Variants in AK7 observed in about 807,000 individuals in gnomAD.
The protein encoded by AK7 is ATP-AMP transphosphorylase 7.
A neutral mutation model predicts 96.6 loss-of-function variants in AK7; 78 were observed. The observed-to-expected ratio is 0.81, with a 90% CI of 0.67 to 0.97. The LOEUF is 0.97. Ranked by LOEUF, AK7 falls within the 50% of genes least tolerant of loss-of-function variation. AK7 has a pLI of 0.00. For synonymous variants in AK7, 302 were observed against 317.2 expected (o/e 0.95, Z 0.51); for missense variants, 855 against 887.9 (o/e 0.96, Z 0.47).
chr14:96,421,291 C>G (rs1375161645), intron 5 of AK7: 2 of 161,672 alleles, frequency 1.2e-5, no homozygotes, highest in Non-Finnish European at 2.7e-5. Context: ...TATTAACCTC[C>G]TCTTATGAAT....
intron 4 of AK7, among the ~76,000 whole-genome samples, chr14:96,413,026 A>G (rs916929043): frequency 2.0e-5 from 3 of 152,204 alleles, no homozygotes; most frequent in Non-Finnish European, 4.4e-5. Context: ...GAGCACCCCC[A>G]GTACACAAAT....
chr14:96,486,440 C>G (rs1009579560), intron 16 of AK7, among the ~76,000 whole-genome samples: 2 of 152,080 alleles, frequency 1.3e-5, no homozygotes, highest in Non-Finnish European at 2.9e-5. Flanking sequence ...TGTGCTGATC[C>G]TTAATTAGAA....
At chr14:96,434,425 TCTCTCTC>T (rs1393397176) in intron 5 of AK7, among the ~76,000 whole-genome samples, 1 of 10,046 alleles carries the variant, frequency 1.0e-4, no homozygotes, top group Non-Finnish European at 1.8e-4. Flanking sequence ...TCTGTCTGTC[TCTCTCTC>T]TCTCTCTCTC....
intron 7 of AK7, among the ~76,000 whole-genome samples, chr14:96,445,694 GA>G (rs906540461): frequency 5.9e-5 from 9 of 151,752 alleles, no homozygotes; most frequent in African/African-American, 1.2e-4. Context: ...AATAAATATA[GA>G]AAAAAAGAAA....
chr14:96,411,707 TACA>T (rs1269542699), intron 4 of AK7, among the ~76,000 whole-genome samples: 1 of 152,088 alleles, frequency 6.6e-6, no homozygotes, highest in Non-Finnish European at 1.5e-5. Flanking sequence ...GGGGTATAGA[TACA>T]ACAAGACCGA....
At chr14:96,418,306 A>C (rs1206401148) in intron 4 of AK7, among the ~76,000 whole-genome samples, 2 of 129,978 alleles carry the variant, frequency 1.5e-5, no homozygotes, top group African/African-American at 5.9e-5. Flanking sequence ...CCTGGGCAAC[A>C]GAGTGAGACC....
chr14:96,437,806 G>A, intron 5 of AK7, 29 bp from the exon 6 acceptor site: 4 of 1,534,394 alleles, frequency 2.6e-6, no homozygotes, highest in South Asian at 1.2e-5. Context: ...ATTACATCCA[G>A]CTTTTTTTTT....
At chr14:96,429,520 G>A (rs1157931877) in intron 5 of AK7, among the ~76,000 whole-genome samples, 1 of 152,160 alleles carries the variant, frequency 6.6e-6, no homozygotes, top group Non-Finnish European at 1.5e-5. Flanking sequence ...TAGATTGATG[G>A]GGATGGCATT....
At chr14:96,456,226 G>A (rs1332922253) in intron 10 of AK7, 121 bp from the exon 11 acceptor site, 4 of 1,080,606 alleles carry the variant, frequency 3.7e-6, no homozygotes, top group Admixed American at 3.2e-5. Context: ...AACAGAGTGA[G>A]AGACTCTGTC....
intron 14 of AK7, among the ~76,000 whole-genome samples, chr14:96,477,140 C>A (rs968553567): frequency 6.6e-6 from 1 of 152,166 alleles, no homozygotes. Context: ...AACTTACTTG[C>A]GAAAACACCT....
At chr14:96,442,241 G>A (rs747522662) in intron 6 of AK7, among the ~76,000 whole-genome samples, 5 of 152,118 alleles carry the variant, frequency 3.3e-5, no homozygotes, top group South Asian at 2.1e-4. Context: ...CTACTTATCC[G>A]CTAAGCATTT....
rs548236443 is a variant in AK7, at chr14:96,484,334, C to T, written c.1974+1115C>T. 6.1e-4 allele frequency among the ~76,000 whole-genome samples: 93 copies of T among 152,276 alleles called. No homozygotes were observed. The South Asian group carries it at 0.014, about 22-fold the overall frequency. On this transcript the variant is annotated intron_variant, in intron 16 of 17. Transcript: ENST00000267584. ...GGGGCAGTGTTTCTCATCCGAATTA[C>T]GCAGTGTCTTCTCACTGTCCTCCCC...
intron 5 of AK7, among the ~76,000 whole-genome samples, chr14:96,422,087 C>T (rs1891738306): frequency 6.6e-6 from 1 of 152,142 alleles, no homozygotes. Context: ...GATATACCAG[C>T]ATTTATTATT....
intron 4 of AK7, among the ~76,000 whole-genome samples, chr14:96,418,635 C>T (rs1313997573): frequency 1.3e-5 from 2 of 152,130 alleles, no homozygotes; most frequent in East Asian, 3.9e-4. Flanking sequence ...TCTCCTGCCT[C>T]AGCCTCCCGA....
At chr14:96,478,750 G>C in intron 15 of AK7, 88 bp downstream of exon 15, 1 of 1,322,608 alleles carries the variant, frequency 7.6e-7, no homozygotes. Context: ...GGGCTGGGGG[G>C]AGGGTGGGGA....
chr14:96,449,926 A>G, intron 9 of AK7, 47 bp downstream of exon 9: 6 of 1,335,980 alleles, frequency 4.5e-6, no homozygotes, highest in Non-Finnish European at 6.3e-6. Flanking sequence ...TTTCTCAATA[A>G]TATGGAGTAT....
In AK7 at chr14:96,448,476, A is replaced by T. The variant is rs140661436; in HGVS notation, c.871-1326A>T. ...AGACTCCCTCTCTATAAAAAATTTTAAAAATTAGCCAGGCTTGGTGGTGCA... is the reference window on the plus strand; with the variant it reads ...AGACTCCCTCTCTATAAAAAATTTTTAAAATTAGCCAGGCTTGGTGGTGCA... On this transcript the variant is annotated intron_variant, in intron 8 of 17. Transcript: ENST00000267584. Among the ~76,000 whole-genome samples the T allele has an allele frequency of 3.9e-3, 588 of 151,832 alleles. 5 individuals are homozygous for T. The highest frequency in any genetic ancestry group is 0.014 in the African/African-American group (563 of 41,444).
chr14:96,414,307 G>A (rs2140020273), intron 4 of AK7, among the ~76,000 whole-genome samples: 1 of 152,296 alleles, frequency 6.6e-6, no homozygotes, highest in South Asian at 2.1e-4. Context: ...TGGAAGAGAT[G>A]CTCATCACTT....
intron 10 of AK7, among the ~76,000 whole-genome samples, chr14:96,452,110 T>C (rs1310996780): frequency 6.6e-6 from 1 of 152,180 alleles, no homozygotes; most frequent in Non-Finnish European, 1.5e-5. Context: ...ATATTCTTTT[T>C]TAAAAAAGTA....
Sources: allele counts gnomAD v4.1 joint callset (sites outside exome capture counted in the v4.1 genomes callset), GRCh38; gene constraint gnomAD v4.1.1; transcripts MANE v1.5; gene names NCBI Gene and HGNC (gene_info 2026-07-23, HGNC 2026-07-21).